POU6F2: variants seen among roughly 807,000 people sequenced by gnomAD.
POU6F2 encodes POU domain, class 6, transcription factor 2.
POU6F2 carries 31 observed loss-of-function variants against 71.3 expected under a neutral mutation model. The observed-to-expected ratio is 0.43, with a 90% CI of 0.33 to 0.59. POU6F2 has a LOEUF of 0.59. Ranked by LOEUF, POU6F2 falls within the 20% of genes least tolerant of loss-of-function variation. The pLI is 0.04. For missense variants in POU6F2, 783 were observed against 856.8 expected (o/e 0.91, Z 1.07); for synonymous variants, 347 against 355.7 (o/e 0.98, Z 0.27).
intron 1 of POU6F2, chr7:39,013,154 A>T (rs1378412863): frequency 1.9e-5 from 3 of 155,274 alleles, no homozygotes; most frequent in Admixed American, 6.5e-5. Context: ...GTTTGATCTC[A>T]GACTGCTGTG....
chr7:39,351,925 C>G (rs1786146679), intron 5 of POU6F2, among the ~76,000 whole-genome samples: 2 of 152,324 alleles, frequency 1.3e-5, no homozygotes, highest in Non-Finnish European at 2.9e-5. Flanking sequence ...GGAGTTTCCT[C>G]CTTCTAAAGT....
chr7:39,455,636 A>G (rs183873830), intron 8 of POU6F2, among the ~76,000 whole-genome samples: 1 of 152,322 alleles, frequency 6.6e-6, no homozygotes, highest in East Asian at 1.9e-4. Context: ...TCATAGAAAG[A>G]TGATGTTGAT....
intron 5 of POU6F2, among the ~76,000 whole-genome samples, chr7:39,378,575 C>G (rs934499040): frequency 2.0e-5 from 3 of 152,290 alleles, no homozygotes; most frequent in Non-Finnish European, 4.4e-5. Flanking sequence ...AGTCTATGCT[C>G]CGTCAATCTG....
intron 5 of POU6F2, among the ~76,000 whole-genome samples, chr7:39,391,879 AG>A (rs1562813122): frequency 2.6e-5 from 4 of 152,232 alleles, no homozygotes; most frequent in Non-Finnish European, 5.9e-5. Flanking sequence ...TCCCTAGGAT[AG>A]AACATTGTGA....
In POU6F2 at chr7:39,212,896, T is replaced by C. The variant is rs148997194; in HGVS notation, c.598+5276T>C. On this transcript the variant is annotated intron_variant, in intron 4 of 9. Transcript: ENST00000518318. ...ATGCAAATGTGTTGGATCCTTTGCT[T>C]TTTTGAAACATAGGCAGGAAATGAA... Among the ~76,000 whole-genome samples the C allele has an allele frequency of 2.6e-3, 401 of 152,298 alleles. 1 individual carries two copies. The highest frequency in any genetic ancestry group is 9.1e-3 in the African/African-American group (377 of 41,580).
rs145387503 is a variant in POU6F2 at position 39,215,736 on chromosome 7, A to G, written c.598+8116A>G. On this transcript the variant is annotated intron_variant, in intron 4 of 9. Transcript: ENST00000518318. Reference sequence around the variant, plus strand: ...GATGTGATGCATTTTATGCAAGGTCATAAGTTGTGGTCTCTACACTGCACA... The same window carrying G: ...GATGTGATGCATTTTATGCAAGGTCGTAAGTTGTGGTCTCTACACTGCACA... Among the ~76,000 whole-genome samples, 262 of 152,310 alleles carry G rather than the reference A, an allele frequency of 1.7e-3. 1 individual carries two copies. The highest frequency in any genetic ancestry group is 6.0e-3 in the African/African-American group (251 of 41,570).
chr7:39,252,740 C>G (rs1008483459), intron 4 of POU6F2, among the ~76,000 whole-genome samples: 1 of 152,166 alleles, frequency 6.6e-6, no homozygotes, highest in African/African-American at 2.4e-5. Flanking sequence ...CAGATGGGCA[C>G]ATGGCTTGCT....
chr7:39,035,020 G>A (rs1000870861), intron 1 of POU6F2, among the ~76,000 whole-genome samples: 6 of 151,742 alleles, frequency 4.0e-5, no homozygotes, highest in Admixed American at 2.6e-4. Context: ...GGAAGGTAGA[G>A]AGAAGGATTC....
chr7:39,153,762 A>C (rs1253265833), intron 2 of POU6F2, among the ~76,000 whole-genome samples: 1 of 152,116 alleles, frequency 6.6e-6, no homozygotes, highest in East Asian at 1.9e-4. Flanking sequence ...GAATGTAAAA[A>C]TCAGTACTGT....
At chr7:39,256,129 A>T (rs1360868768) in intron 4 of POU6F2, among the ~76,000 whole-genome samples, 1 of 128,786 alleles carries the variant, frequency 7.8e-6, no homozygotes, top group Non-Finnish European at 1.6e-5. Context: ...AGATTGTCTG[A>T]TACACTGCTT....
chr7:39,441,742 A>C (rs1330824386), intron 7 of POU6F2, among the ~76,000 whole-genome samples: 1 of 152,204 alleles, frequency 6.6e-6, no homozygotes, highest in African/African-American at 2.4e-5. Context: ...TGTTTGAAAC[A>C]TGTTGAAATG....
intron 1 of POU6F2, among the ~76,000 whole-genome samples, chr7:39,008,491 T>C (rs1447955703): frequency 6.7e-6 from 1 of 149,942 alleles, no homozygotes; most frequent in Non-Finnish European, 1.5e-5. Flanking sequence ...ACTCTGATGG[T>C]AGTTTCTTTT....
At chr7:39,012,076 G>T (rs989821451) in intron 1 of POU6F2, among the ~76,000 whole-genome samples, 8 of 151,806 alleles carry the variant, frequency 5.3e-5, no homozygotes, top group African/African-American at 1.9e-4. Context: ...GGCCTGCCTT[G>T]CTAGATTGGG....
rs531942673 is a variant in POU6F2, at chr7:39,416,814, TA to T, written c.1113+10086del. 3.5e-3 allele frequency among the ~76,000 whole-genome samples: 503 copies of T among 141,946 alleles called. 1 individual carries two copies. The highest frequency in any genetic ancestry group is 0.011 in the South Asian group (49 of 4,526). The allele number at this position is 141,946 out of a possible 152,430, so 93.1% of individuals were successfully genotyped here. On this transcript the variant is annotated intron_variant, in intron 6 of 9. Coordinates refer to ENST00000518318, the MANE Select transcript of POU6F2 (RefSeq NM_001370959.1). ...CCTAATTTCAAAAATGTTAAAAATG[TA>T]AAAAAAAAAAAGAAGTTATCATTGA...
Position 39,339,670 on chromosome 7 carries a change from GCAGCTCCAGCTC to G in POU6F2, c.638_649del (p.Leu213_Gln216del), listed in dbSNP as rs761391039. 6.9e-6 allele frequency: 11 copies of G among 1,600,566 alleles called. No homozygotes were observed. Among genetic ancestry groups the G allele is most frequent in the South Asian group, 4.4e-5 (4 of 89,986 alleles). ...CCTCATCCCTGAACTCCCAGCTCCA[GCAGCTCCAGCTC>G]CAGCTCCAGCAGCAGCAGCAGCAGC... On this transcript the variant is annotated inframe_deletion, in exon 5 of 10. Coordinates refer to ENST00000518318, the MANE Select transcript of POU6F2 (RefSeq NM_001370959.1).
intron 2 of POU6F2, among the ~76,000 whole-genome samples, chr7:39,123,326 G>A (rs1370995651): frequency 6.6e-6 from 1 of 152,172 alleles, no homozygotes; most frequent in Non-Finnish European, 1.5e-5. Context: ...AAAACTGAAA[G>A]GTTGGGTGCT....
intron 1 of POU6F2, among the ~76,000 whole-genome samples, chr7:39,077,957 G>C (rs1791032644): frequency 2.0e-5 from 3 of 152,138 alleles, no homozygotes; most frequent in Non-Finnish European, 4.4e-5. Context: ...CGGTGCAGTG[G>C]GTTGTGTTGC....
intron 1 of POU6F2, among the ~76,000 whole-genome samples, chr7:39,067,736 GA>G (rs1226186029): frequency 6.6e-6 from 1 of 151,948 alleles, no homozygotes; most frequent in Non-Finnish European, 1.5e-5. Context: ...AGTTCAATGA[GA>G]AAAATACTTA....
At chr7:39,288,315 A>T (rs781450793) in intron 4 of POU6F2, among the ~76,000 whole-genome samples, 2 of 152,156 alleles carry the variant, frequency 1.3e-5, no homozygotes, top group African/African-American at 4.8e-5. Flanking sequence ...CAGCTATGTG[A>T]CATGGCAAAT....
Sources: allele counts gnomAD v4.1 joint callset (sites outside exome capture counted in the v4.1 genomes callset), GRCh38; gene constraint gnomAD v4.1.1; transcripts MANE v1.5; gene names NCBI Gene and HGNC (gene_info 2026-07-23, HGNC 2026-07-21).